The following NBDY variants were observed in gnomAD, a reference collection of about 807,000 sequenced individuals.
The protein encoded by NBDY is negative regulator of P-body association.
rs371302312 is a variant in NBDY at position 56,782,655 on chromosome X, G to A, written c.*167-34665G>A. ...CTTGCTGTTATTTCCTGTTCTGTTC[G>A]TGGATGCACTAGGTGTGTAATCCTG... On this transcript the variant is annotated intron_variant, in intron 2 of 2. Coordinates refer to ENST00000374922, the MANE Select transcript of NBDY (RefSeq NM_001348129.2). 4.5e-5 allele frequency among the ~76,000 whole-genome samples: 5 copies of A among 111,916 alleles called. No homozygotes were observed. The East Asian group carries it at 8.4e-4, about 19-fold the overall frequency.
intron 2 of NBDY, among the ~76,000 whole-genome samples, chrX:56,783,349 G>C (rs1336619010): frequency 1.8e-5 from 2 of 113,217 alleles, no homozygotes; most frequent in Non-Finnish European, 3.7e-5. Context: ...GTGGATAGGG[G>C]CTTTCTTGCC....
At chrX:56,810,102 G>A (rs1045845849) in intron 2 of NBDY, among the ~76,000 whole-genome samples, 1 of 111,766 alleles carries the variant, frequency 8.9e-6, no homozygotes, top group African/African-American at 3.3e-5. Context: ...CTGGCTTGTA[G>A]GGTTTCTCCC....
chrX:56,797,044 T>C (rs1206893401), intron 2 of NBDY, among the ~76,000 whole-genome samples: 1 of 110,578 alleles, frequency 9.0e-6, no homozygotes, highest in Non-Finnish European at 1.9e-5. Context: ...CTCTTCTTTA[T>C]TGTTCTTTTC....
rs958962817 is a variant in NBDY, at chrX:56,817,459, T to C, written c.*306T>C. 8.9e-6 allele frequency: 1 copy of C among 111,991 alleles called. No individual in the cohort carries two copies. Among genetic ancestry groups the C allele is most frequent in the African/African-American group, 3.2e-5 (1 of 30,848 alleles). 9.2% of individuals were successfully genotyped at this position (111,991 alleles called of 1,213,427 possible). A position where few individuals can be genotyped will look rare whatever the true frequency, so the allele number is the denominator to read the frequency against. On this transcript the variant is annotated 3_prime_UTR_variant, in exon 3 of 3. Coordinates refer to ENST00000374922, the MANE Select transcript of NBDY (RefSeq NM_001348129.2). ...AACTTACCAAAGCAAACAATGCCTG[T>C]GAGATGGTCCTGCAGCAGCCAACCA...
At chrX:56,802,864 G>A (rs996754239) in intron 2 of NBDY, among the ~76,000 whole-genome samples, 1 of 112,791 alleles carries the variant, frequency 8.9e-6, no homozygotes, top group African/African-American at 3.2e-5. Flanking sequence ...GTCCTAGGTC[G>A]TAGGGTCCCT....
intron 2 of NBDY, among the ~76,000 whole-genome samples, chrX:56,800,709 C>T (rs1390239390): frequency 1.8e-5 from 2 of 111,329 alleles, no homozygotes; most frequent in Non-Finnish European, 3.8e-5. Flanking sequence ...CTTCTTCACT[C>T]TTTACTTTTC....
At chrX:56,759,361 C>A (rs1317180277) in intron 2 of NBDY, among the ~76,000 whole-genome samples, 1 of 111,915 alleles carries the variant, frequency 8.9e-6, no homozygotes, top group Non-Finnish European at 1.9e-5. Flanking sequence ...TGGAGAGGGC[C>A]AAAGGAAGGG....
intron 2 of NBDY, among the ~76,000 whole-genome samples, chrX:56,765,763 C>G (rs1306464880): frequency 1.8e-5 from 2 of 110,590 alleles, no homozygotes; most frequent in Non-Finnish European, 3.8e-5. Context: ...TTTTCTTTTT[C>G]TTCTTTTTCC....
At chrX:56,799,044 G>A (rs1301590523) in intron 2 of NBDY, among the ~76,000 whole-genome samples, 3 of 112,013 alleles carry the variant, frequency 2.7e-5, no homozygotes, top group East Asian at 2.8e-4. Flanking sequence ...GCTGAGGAAC[G>A]CTCGGGAGTG....
At chrX:56,804,073 G>C (rs1005974172) in intron 2 of NBDY, among the ~76,000 whole-genome samples, 2 of 111,424 alleles carry the variant, frequency 1.8e-5, no homozygotes, top group Non-Finnish European at 3.8e-5. Context: ...AGGGGTATGG[G>C]GGAGGGGTGT....
chrX:56,743,963 C>A (rs752922562), intron 2 of NBDY, among the ~76,000 whole-genome samples: 1 of 109,486 alleles, frequency 9.1e-6, no homozygotes, highest in South Asian at 3.9e-4. Flanking sequence ...TATAAACTTC[C>A]CTCTTAGTAC....
Position 56,743,955 on chromosome X carries a change from T to C in NBDY, c.*166+11756T>C, listed in dbSNP as rs185203276. On this transcript the variant is annotated intron_variant, in intron 2 of 2. Transcript: ENST00000374922. ...TATATATAACTAAACTTTATAGCTA[T>C]AAACTTCCCTCTTAGTACTGCTTTT... 3.8e-3 allele frequency among the ~76,000 whole-genome samples: 422 copies of C among 110,705 alleles called. 3 individuals carry two copies. Among genetic ancestry groups the C allele is most frequent in the African/African-American group, 0.013 (395 of 30,675 alleles).
Position 56,795,665 on chromosome X carries a change from G to A in NBDY, c.*167-21655G>A, listed in dbSNP as rs61213870. 2.6e-4 allele frequency among the ~76,000 whole-genome samples: 29 copies of A among 112,183 alleles called. No homozygotes were observed. The East Asian group carries it at 7.1e-3, about 27-fold the overall frequency. On this transcript the variant is annotated intron_variant, in intron 2 of 2. Transcript: ENST00000374922. ...CTCTCACAAGAGGAACGTCAATCTC[G>A]TGTATGGGCCTGCACTCTCTGGGCA...
chrX:56,734,313 C>G (rs1178795555), intron 2 of NBDY, among the ~76,000 whole-genome samples: 1 of 111,729 alleles, frequency 9.0e-6, no homozygotes, highest in Non-Finnish European at 1.9e-5. Flanking sequence ...ACCTTGACAA[C>G]AGGAAGGCTG....
At chrX:56,762,939 G>T (rs1470347693) in intron 2 of NBDY, among the ~76,000 whole-genome samples, 1 of 111,495 alleles carries the variant, frequency 9.0e-6, no homozygotes, top group African/African-American at 3.3e-5. Context: ...GGGCACAGGG[G>T]TGCAGGCCCA....
chrX:56,791,089 A>G, intron 2 of NBDY, among the ~76,000 whole-genome samples: 1 of 112,433 alleles, frequency 8.9e-6, no homozygotes. Context: ...TCTGCATTCC[A>G]GTTTGCTCTC....
intron 2 of NBDY, among the ~76,000 whole-genome samples, chrX:56,767,315 G>C (rs182685530): frequency 8.8e-6 from 1 of 113,485 alleles, no homozygotes; most frequent in Non-Finnish European, 1.9e-5. Context: ...CCCCTTAAGA[G>C]GTGAAAGTCT....
intron 2 of NBDY, among the ~76,000 whole-genome samples, chrX:56,784,685 G>C (rs749801565): frequency 5.4e-5 from 6 of 111,589 alleles, no homozygotes; most frequent in East Asian, 2.8e-4. Context: ...TAGGGCAACT[G>C]TGCCTTGGTT....
intron 2 of NBDY, among the ~76,000 whole-genome samples, chrX:56,797,104 T>C (rs1456462237): frequency 1.8e-5 from 2 of 109,539 alleles, no homozygotes; most frequent in African/African-American, 6.7e-5. Context: ...TTCTTCTTTT[T>C]CTTTCCCTCT....
Sources: gnomAD v4.1 joint callset for allele counts (sites outside exome capture counted in the v4.1 genomes callset) on GRCh38, gnomAD v4.1.1 for gene constraint, MANE v1.5 for transcripts, NCBI Gene and HGNC (gene_info 2026-07-23, HGNC 2026-07-21) for gene names.